Variants in KLF13 observed in about 807,000 individuals in gnomAD.
KLF13 encodes the protein Krueppel-like factor 13.
In KLF13, 8 loss-of-function variants were observed where a neutral mutation model predicts 16.7. The ratio of observed to expected loss-of-function variants is 0.48; its 90% CI spans 0.28 to 0.87. KLF13 has a LOEUF of 0.87. KLF13 is among the 40% of genes least tolerant of loss of function. The pLI, the probability that KLF13 is intolerant of heterozygous loss-of-function variation, is 0.10. For synonymous variants in KLF13, 245 were observed against 208.4 expected (o/e 1.18, Z -1.51); for missense variants, 447 against 452.2 (o/e 0.99, Z 0.10).
intron 1 of KLF13, among the ~76,000 whole-genome samples, chr15:31,346,782 C>T (rs2039129043): frequency 6.6e-6 from 1 of 152,234 alleles, no homozygotes; most frequent in Non-Finnish European, 1.5e-5. Context: ...GTGGTGGGGC[C>T]AGGGCTCCTG....
intron 1 of KLF13, among the ~76,000 whole-genome samples, chr15:31,348,361 G>A (rs574914492): frequency 3.9e-5 from 6 of 152,306 alleles, no homozygotes; most frequent in South Asian, 4.1e-4. Context: ...AAAACCACGC[G>A]TGGTACGTAG....
At chr15:31,423,486 G>T (rs2040368988) in intron 1 of KLF13, among the ~76,000 whole-genome samples, 1 of 151,860 alleles carries the variant, frequency 6.6e-6, no homozygotes, top group African/African-American at 2.4e-5. Context: ...ACAAAAATTA[G>T]CCGGGTGTGG....
chr15:31,413,199 A>AC (rs1010463263), intron 1 of KLF13, among the ~76,000 whole-genome samples: 22 of 149,472 alleles, frequency 1.5e-4, no homozygotes, highest in African/African-American at 5.1e-4. Context: ...AAAAAAAAAA[A>AC]AAACAAAAAA....
chr15:31,341,337 CGT>C (rs538357274), intron 1 of KLF13, among the ~76,000 whole-genome samples: 2 of 151,830 alleles, frequency 1.3e-5, no homozygotes, highest in Non-Finnish European at 2.9e-5. Context: ...GGTGTGTGTG[CGT>C]GTGTGTTCAC....
intron 1 of KLF13, among the ~76,000 whole-genome samples, chr15:31,343,846 G>A (rs904799635): frequency 5.3e-5 from 8 of 152,258 alleles, no homozygotes; most frequent in South Asian, 2.1e-4. Flanking sequence ...TCTGGTGCAC[G>A]AATTAACCTG....
chr15:31,361,282 G>A (rs2039380148), intron 1 of KLF13, among the ~76,000 whole-genome samples: 2 of 152,154 alleles, frequency 1.3e-5, no homozygotes, highest in South Asian at 2.1e-4. Context: ...GGGAGGGGCT[G>A]TGAGAATGTC....
At chr15:31,420,305 T>A in intron 1 of KLF13, 1 of 937,140 alleles carries the variant, frequency 1.1e-6, no homozygotes, top group Non-Finnish European at 1.7e-6. Context: ...AGACAACCTT[T>A]TCAAATGGGT....
In KLF13 at chr15:31,372,024, G is replaced by A. The variant is rs1401920578; in HGVS notation, c.592G>A (p.Ala198Thr). Residue 198 changes from alanine (A) to threonine (T), a missense_variant, in exon 2 of 2, where the codon GCC becomes ACC. Around this residue, in one of 2 missense-constraint regions of KLF13, gnomAD observed 88 missense variants for 169.5 expected, o/e 0.52. Transcript: ENST00000307145. Reference protein sequence around the residue: ...LRTHTGERPFACSWQDCNKKF... With the variant: ...LRTHTGERPFTCSWQDCNKKF... ...TGTGCCCACAGGTGAGAGGCCCTTC[G>A]CCTGCAGCTGGCAGGACTGCAACAA... is the stretch of plus-strand genomic sequence containing the variant. The A allele has an allele frequency of 2.5e-6, 4 of 1,606,104 alleles. No homozygotes were observed. The highest frequency in any genetic ancestry group is 2.7e-5 in the African/African-American group (2 of 74,844).
At chr15:31,380,794 A>C (rs2039714328), downstream of KLF13, among the ~76,000 whole-genome samples, 1 of 152,242 alleles carries the variant, frequency 6.6e-6, no homozygotes, top group South Asian at 2.1e-4. Flanking sequence ...CTCCACCGTT[A>C]CGCATCAGAG....
intron 1 of KLF13, among the ~76,000 whole-genome samples, chr15:31,430,160 A>G (rs1368039589): frequency 6.6e-6 from 1 of 152,228 alleles, no homozygotes; most frequent in Non-Finnish European, 1.5e-5. Flanking sequence ...ATTAGAATTA[A>G]GAAACTTTTC....
At chr15:31,390,633 A>G (rs1157853297), upstream of KLF13, among the ~76,000 whole-genome samples, 1 of 152,120 alleles carries the variant, frequency 6.6e-6, no homozygotes, top group Non-Finnish European at 1.5e-5. Flanking sequence ...CATTCCACGG[A>G]GCACTCCATC....
chr15:31,351,386 C>T (rs760339866), intron 1 of KLF13, among the ~76,000 whole-genome samples: 29 of 152,208 alleles, frequency 1.9e-4, no homozygotes, highest in Non-Finnish European at 3.1e-4. Flanking sequence ...TCATTCCATA[C>T]AAGTCATTTT....
At chr15:31,403,525 TG>T (rs1470852726) in exon 3 of KLF13, 1 of 152,270 alleles carries the variant, frequency 6.6e-6, no homozygotes. Context: ...AATGAGTGGA[TG>T]AGCCAATTCT....
intron 1 of KLF13, among the ~76,000 whole-genome samples, chr15:31,424,751 A>G (rs2040381270): frequency 6.6e-6 from 1 of 152,192 alleles, no homozygotes; most frequent in Admixed American, 6.5e-5. Context: ...TCTATTCAAC[A>G]TAGTAATGGA....
In KLF13 at chr15:31,327,538, G is replaced by C. The variant is rs937332764; in HGVS notation, c.326G>C (p.Gly109Ala). Reference protein sequence around the residue: ...PPPAPEPTSPGAEGAAAAPPS... With the variant: ...PPPAPEPTSPAAEGAAAAPPS... ...CCCGCCCCCGAGCCCACCTCCCCCGGCGCCGAAGGCGCGGCGGCCGCGCCC... is the reference window on the plus strand; with the variant it reads ...CCCGCCCCCGAGCCCACCTCCCCCGCCGCCGAAGGCGCGGCGGCCGCGCCC... Residue 109 changes from glycine (G) to alanine (A), a missense_variant, in exon 1 of 2, where the codon GGC (glycine) becomes GCC (alanine). Physicochemically the swap from Gly to Ala is moderately conservative, Grantham distance 60. Around this residue, in one of 2 missense-constraint regions of KLF13, gnomAD observed 359 missense variants for 282.8 expected, o/e 1.27. Coordinates refer to ENST00000307145, the MANE Select transcript of KLF13 (RefSeq NM_015995.4). The C allele has an allele frequency of 3.6e-6, 4 of 1,106,494 alleles. No individual in the cohort carries two copies. The African/African-American group carries it at 6.7e-5, about 19-fold the overall frequency. 68.5% of individuals were successfully genotyped at this position (1,106,494 alleles called of 1,614,324 possible).
At chr15:31,329,584 C>T (rs1440834156) in intron 1 of KLF13, among the ~76,000 whole-genome samples, 1 of 152,152 alleles carries the variant, frequency 6.6e-6, no homozygotes, top group Non-Finnish European at 1.5e-5. Context: ...CCGCTTCAGG[C>T]TCTGGCCCCG....
intron 1 of KLF13, among the ~76,000 whole-genome samples, chr15:31,354,022 C>A (rs935029394): frequency 2.6e-5 from 4 of 152,192 alleles, no homozygotes; most frequent in Admixed American, 2.0e-4. Flanking sequence ...TGGGGTCAGA[C>A]GTGGCACTTG....
chr15:31,420,885 G>A (rs1406935736), intron 1 of KLF13, among the ~76,000 whole-genome samples: 1 of 151,948 alleles, frequency 6.6e-6, no homozygotes, highest in East Asian at 1.9e-4. Context: ...TAGAGACAAG[G>A]TTTCACCATG....
At chr15:31,395,083 G>T (rs919730777) in intron 2 of KLF13, among the ~76,000 whole-genome samples, 1 of 152,114 alleles carries the variant, frequency 6.6e-6, no homozygotes, top group African/African-American at 2.4e-5. Flanking sequence ...GGATTCAAGC[G>T]ATTCTCCTGT....
Sources: allele counts gnomAD v4.1 joint callset (sites outside exome capture counted in the v4.1 genomes callset), GRCh38; gene constraint gnomAD v4.1.1; regional missense constraint gnomAD v4.1.1; transcripts MANE v1.5; gene names NCBI Gene and HGNC (gene_info 2026-07-23, HGNC 2026-07-21).